The following STAG1 variants were observed in gnomAD, a reference collection of about 807,000 sequenced individuals.
The protein encoded by STAG1 is STAG1 cohesin complex component, also known as cohesin subunit SA-1.
A neutral mutation model predicts 170.9 loss-of-function variants in STAG1; 26 were observed. The ratio of observed to expected loss-of-function variants is 0.15; its 90% CI spans 0.11 to 0.21. STAG1 has a LOEUF of 0.21. Among genes scored for constraint, STAG1 ranks in the 10% least tolerant of loss-of-function variants. The pLI, the probability that STAG1 is intolerant of heterozygous loss-of-function variation, is 1.00. For missense variants in STAG1, 964 were observed against 1,509.5 expected, an observed-to-expected ratio of 0.64 and a Z score of 5.99; for synonymous variants, 514 against 497.7, an observed-to-expected ratio of 1.03 and a Z score of -0.44.
chr3:136,703,230 T>C (rs528724000), intron 1 of STAG1, among the ~76,000 whole-genome samples: 7 of 152,302 alleles, frequency 4.6e-5, no homozygotes, highest in Admixed American at 1.3e-4. Flanking sequence ...CAAACACTTA[T>C]AGTGTCCATG....
Position 136,338,092 on chromosome 3 carries a change from A to G in STAG1, c.*162T>C. ...ACCAACATTCCCTTGGGTAATTTACATGCTCCTCTTCTGTCACTGCAAAAA... is the reference window on the plus strand; with the variant it reads ...ACCAACATTCCCTTGGGTAATTTACGTGCTCCTCTTCTGTCACTGCAAAAA... On this transcript the variant is annotated 3_prime_UTR_variant, in exon 34 of 34. Transcript: ENST00000383202. 6.8e-6 allele frequency: 4 copies of G among 586,298 alleles called. No individual in the cohort carries two copies. Among genetic ancestry groups the G allele is most frequent in the East Asian group, 5.7e-5 (2 of 35,090 alleles). 36.3% of individuals were successfully genotyped at this position (586,298 alleles called of 1,614,324 possible). A position where few individuals can be genotyped will look rare whatever the true frequency, so the allele number is the denominator to read the frequency against.
intron 12 of STAG1, among the ~76,000 whole-genome samples, chr3:136,471,585 C>A (rs1452728365): frequency 1.3e-5 from 2 of 152,090 alleles, no homozygotes; most frequent in African/African-American, 4.8e-5. Context: ...ATAGATGTAC[C>A]ATCACAAAGT....
intron 9 of STAG1, among the ~76,000 whole-genome samples, chr3:136,496,771 T>G (rs1224194545): frequency 1.3e-5 from 2 of 150,920 alleles, no homozygotes; most frequent in African/African-American, 4.9e-5. Context: ...AGTGAGCAGA[T>G]GAAAGGAAAT....
intron 13 of STAG1, among the ~76,000 whole-genome samples, chr3:136,463,418 T>C (rs1486187126): frequency 6.6e-6 from 1 of 152,176 alleles, no homozygotes; most frequent in Non-Finnish European, 1.5e-5. Flanking sequence ...CCATGATTTA[T>C]AGTTGTACTT....
At chr3:136,397,850 C>CA (rs562604422) in intron 22 of STAG1, among the ~76,000 whole-genome samples, 152 of 143,422 alleles carry the variant, frequency 1.1e-3, no homozygotes, top group South Asian at 3.9e-3. Context: ...CATTAAAATT[C>CA]AAAAAAAAAA....
chr3:136,588,214 G>T (rs894930634), intron 4 of STAG1, among the ~76,000 whole-genome samples: 1 of 152,140 alleles, frequency 6.6e-6, no homozygotes, highest in Non-Finnish European at 1.5e-5. Context: ...CACATGGCTG[G>T]TCTGATGGTA....
intron 12 of STAG1, among the ~76,000 whole-genome samples, chr3:136,465,663 A>G (rs1254077767): frequency 4.6e-5 from 7 of 151,866 alleles, no homozygotes; most frequent in Non-Finnish European, 2.9e-5. Context: ...CAAAATCAAC[A>G]AAGTATTAGA....
intron 4 of STAG1, among the ~76,000 whole-genome samples, chr3:136,572,382 T>C (rs965733082): frequency 1.3e-5 from 2 of 151,152 alleles, no homozygotes; most frequent in African/African-American, 4.9e-5. Context: ...TCTCCTGAGC[T>C]CAGGAGTTTG....
chr3:136,473,318 T>G (rs1037567464), intron 11 of STAG1, among the ~76,000 whole-genome samples: 3 of 152,160 alleles, frequency 2.0e-5, no homozygotes, highest in Non-Finnish European at 4.4e-5. Flanking sequence ...CCAATAAATG[T>G]AATGCACTTG....
In STAG1 at chr3:136,485,044, G is replaced by A. The variant is rs569988748; in HGVS notation, c.903-7632C>T. ...GCAGAAATCACCCGTCTTCTGCGTC[G>A]CTCACGCTGGGAGCTGTAGACCGGA... is the stretch of plus-strand genomic sequence containing the variant. On this transcript the variant is annotated intron_variant, in intron 9 of 33. Transcript: ENST00000383202. Among the ~76,000 whole-genome samples the A allele has an allele frequency of 9.4e-3, 1,427 of 152,280 alleles. 9 individuals carry two copies. The highest frequency in any genetic ancestry group is 0.02 in the Middle Eastern group (6 of 294).
At chr3:136,344,687 C>G (rs1936143961) in intron 29 of STAG1, among the ~76,000 whole-genome samples, 1 of 152,102 alleles carries the variant, frequency 6.6e-6, no homozygotes, top group Admixed American at 6.5e-5. Context: ...GATCTCGGCT[C>G]ACTGCAACCT....
At chr3:136,519,933 T>C (rs1264263849) in intron 7 of STAG1, among the ~76,000 whole-genome samples, 2 of 152,132 alleles carry the variant, frequency 1.3e-5, no homozygotes, top group African/African-American at 4.8e-5. Context: ...TCTCCCTCTC[T>C]TCCTAATAAT....
chr3:136,454,868 C>T (rs866346323), intron 13 of STAG1, among the ~76,000 whole-genome samples: 5 of 152,090 alleles, frequency 3.3e-5, no homozygotes, highest in South Asian at 4.1e-4. Flanking sequence ...AGACACTATA[C>T]GTGTGTGGAT....
intron 30 of STAG1, among the ~76,000 whole-genome samples, chr3:136,342,880 G>A (rs1201931529): frequency 2.6e-5 from 4 of 152,142 alleles, no homozygotes; most frequent in Non-Finnish European, 5.9e-5. Flanking sequence ...AGAGGGGTGG[G>A]GATATTGGTT....
At chr3:136,494,126 G>T (rs1932937122) in intron 9 of STAG1, among the ~76,000 whole-genome samples, 1 of 151,938 alleles carries the variant, frequency 6.6e-6, no homozygotes, top group South Asian at 2.1e-4. Context: ...TAAAAAATTG[G>T]CCAGGTGTCG....
At chr3:136,467,059 G>A (rs777272035) in intron 12 of STAG1, among the ~76,000 whole-genome samples, 3 of 152,294 alleles carry the variant, frequency 2.0e-5, no homozygotes, top group Middle Eastern at 3.4e-3. Flanking sequence ...ATGCCAAATT[G>A]TAAAGACCAT....
At chr3:136,700,876 C>CTTTTTT (rs35459362) in intron 1 of STAG1, among the ~76,000 whole-genome samples, 81 of 78,336 alleles carry the variant, frequency 1.0e-3, no homozygotes, top group East Asian at 1.5e-3. Context: ...TATTTTTTTT[C>CTTTTTT]TTTTTTTTTT....
chr3:136,651,627 A>G (rs1941219279), intron 1 of STAG1, among the ~76,000 whole-genome samples: 1 of 152,192 alleles, frequency 6.6e-6, no homozygotes, highest in Non-Finnish European at 1.5e-5. Flanking sequence ...AGATCAGTAT[A>G]TATTTCCAAC....
chr3:136,594,772 G>A (rs916758717), intron 4 of STAG1, among the ~76,000 whole-genome samples: 1 of 152,136 alleles, frequency 6.6e-6, no homozygotes, highest in African/African-American at 2.4e-5. Flanking sequence ...ATAAACGACA[G>A]TCCGACTTTT....
Sources: allele counts gnomAD v4.1 joint callset (sites outside exome capture counted in the v4.1 genomes callset), GRCh38; gene constraint gnomAD v4.1.1; transcripts MANE v1.5; gene names NCBI Gene and HGNC (gene_info 2026-07-23, HGNC 2026-07-21).